XPO4: variants seen among roughly 807,000 people sequenced by gnomAD.
XPO4 encodes the protein exportin 4, also known as exportin-4.
In XPO4, 39 loss-of-function variants were observed where a neutral mutation model predicts 143.0. The observed-to-expected ratio is 0.27, with a 90% CI of 0.21 to 0.36. XPO4 has a LOEUF of 0.36. Ranked by LOEUF, XPO4 falls within the 10% of genes least tolerant of loss-of-function variation. The pLI, the probability that XPO4 is intolerant of heterozygous loss-of-function variation, is 1.00. For synonymous variants in XPO4, 439 were observed against 474.0 expected (o/e 0.93, Z 0.96); for missense variants, 907 against 1,348.0 (o/e 0.67, Z 5.12).
chr13:20,826,672 T>G (rs1393331721), intron 7 of XPO4, among the ~76,000 whole-genome samples: 1 of 152,242 alleles, frequency 6.6e-6, no homozygotes, highest in Non-Finnish European at 1.5e-5. Flanking sequence ...TATAGTTAAT[T>G]AAAATGTTAC....
chr13:20,878,658 G>A (rs562968015), intron 1 of XPO4, among the ~76,000 whole-genome samples: 3 of 152,278 alleles, frequency 2.0e-5, no homozygotes, highest in African/African-American at 4.8e-5. Flanking sequence ...ATAAAAGCAC[G>A]GAAGGAAGGA....
chr13:20,899,665 A>G (rs1176235753), intron 1 of XPO4, among the ~76,000 whole-genome samples: 1 of 152,224 alleles, frequency 6.6e-6, no homozygotes, highest in Non-Finnish European at 1.5e-5. Flanking sequence ...CAAAAGATCT[A>G]AGATTCTTCT....
chr13:20,842,309 C>A (rs1052305073), intron 6 of XPO4, among the ~76,000 whole-genome samples: 4 of 152,190 alleles, frequency 2.6e-5, no homozygotes, highest in African/African-American at 9.6e-5. Context: ...ACAAATTTCT[C>A]TACTTTAAGT....
At chr13:20,830,091 T>C (rs1248290693) in intron 6 of XPO4, among the ~76,000 whole-genome samples, 2 of 152,192 alleles carry the variant, frequency 1.3e-5, no homozygotes, top group African/African-American at 4.8e-5. Flanking sequence ...AAATCTGATT[T>C]TTTAAAATCT....
intron 6 of XPO4, among the ~76,000 whole-genome samples, chr13:20,832,875 C>G (rs982204115): frequency 5.9e-5 from 9 of 152,098 alleles, no homozygotes; most frequent in Middle Eastern, 3.4e-3. Context: ...TATCCCATTA[C>G]TTACTCTATA....
At chr13:20,784,111 C>A (rs1732755745) in intron 22 of XPO4, among the ~76,000 whole-genome samples, 192 bp from the exon 23 acceptor site, 1 of 152,164 alleles carries the variant, frequency 6.6e-6, no homozygotes, top group Non-Finnish European at 1.5e-5. Flanking sequence ...TCATTTACAA[C>A]AATGCTTCGA....
intron 2 of XPO4, chr13:20,866,185 C>G: frequency 1.0e-5 from 10 of 985,280 alleles, no homozygotes; most frequent in Non-Finnish European, 1.2e-5. Context: ...GTGAAGAAGT[C>G]TAAAAGTGCT....
intron 9 of XPO4, among the ~76,000 whole-genome samples, chr13:20,811,292 T>TC (rs1010464387): frequency 4.0e-5 from 6 of 149,570 alleles, no homozygotes; most frequent in African/African-American, 1.2e-4. Context: ...TTTTTTCTTT[T>TC]TTTTTTTTTT....
chr13:20,897,818 A>G (rs1281632468), intron 1 of XPO4, among the ~76,000 whole-genome samples: 1 of 152,146 alleles, frequency 6.6e-6, no homozygotes, highest in Non-Finnish European at 1.5e-5. Flanking sequence ...GCAATGGCAC[A>G]ATCTCTGCAA....
chr13:20,799,729 T>C (rs2059408220), intron 15 of XPO4, among the ~76,000 whole-genome samples: 1 of 152,206 alleles, frequency 6.6e-6, no homozygotes, highest in Non-Finnish European at 1.5e-5. Context: ...GATACTCCTA[T>C]ACAGTAAGAA....
At chr13:20,838,946 G>C (rs1021255010) in intron 6 of XPO4, among the ~76,000 whole-genome samples, 7 of 152,166 alleles carry the variant, frequency 4.6e-5, no homozygotes, top group African/African-American at 1.7e-4. Context: ...CAAAATGGAT[G>C]AATCTTGAAA....
chr13:20,800,194 A>C lies in XPO4; in HGVS notation c.2109T>G (p.Thr703=). The part of the protein sequence containing the change: ...WSSEQDLAND[T]VQLLVTLVER... ...CCACCAAAGTGACAAGGAGCTGCAC[A>C]GTGTCATTTGCAAGGTCCTGCTCAC... The change falls in exon 15 of 23, where the codon ACT becomes ACG. Residue 703 remains threonine (T), a synonymous_variant. Transcript: ENST00000255305. 1 of 1,614,114 alleles carries C rather than the reference A, an allele frequency of 6.2e-7. No homozygotes were observed. The highest frequency in any genetic ancestry group is 8.5e-7 in the Non-Finnish European group (1 of 1,179,994).
intron 18 of XPO4, among the ~76,000 whole-genome samples, chr13:20,792,737 A>G (rs2059303683): frequency 6.6e-6 from 1 of 150,916 alleles, no homozygotes; most frequent in African/African-American, 2.4e-5. Context: ...AAAAAAAAAA[A>G]AAAAAAGTCA....
At chr13:20,816,455 A>C (rs1326427774) in intron 9 of XPO4, among the ~76,000 whole-genome samples, 1 of 152,216 alleles carries the variant, frequency 6.6e-6, no homozygotes, top group Non-Finnish European at 1.5e-5. Flanking sequence ...TTTTCTAGCT[A>C]GTTCTTAAAA....
intron 6 of XPO4, among the ~76,000 whole-genome samples, chr13:20,832,082 C>G (rs2059860216): frequency 6.6e-6 from 1 of 152,132 alleles, no homozygotes; most frequent in South Asian, 2.1e-4. Context: ...TCACCAACTT[C>G]TGTGAAATCA....
At chr13:20,819,621 TC>T (rs1452045039) in intron 9 of XPO4, among the ~76,000 whole-genome samples, 1 of 151,810 alleles carries the variant, frequency 6.6e-6, no homozygotes, top group East Asian at 1.9e-4. Flanking sequence ...GACCGTGCCA[TC>T]GCAGTCCAGC....
chr13:20,820,827 C>T (rs2059710789), intron 9 of XPO4, among the ~76,000 whole-genome samples: 1 of 152,228 alleles, frequency 6.6e-6, no homozygotes, highest in South Asian at 2.1e-4. Flanking sequence ...AACTCACATA[C>T]ACGTTGGCAG....
At chr13:20,785,779 A>G (rs58324244) in intron 22 of XPO4, among the ~76,000 whole-genome samples, 19,821 of 148,686 alleles carry the variant, frequency 0.13, 1,419 homozygotes, top group African/African-American at 0.18. Context: ...GTTAAAAGAG[A>G]GGGAGAGAGA....
At chr13:20,862,941 C>T in intron 2 of XPO4, 83 bp from the exon 3 acceptor site, 1 of 1,576,230 alleles carries the variant, frequency 6.3e-7, no homozygotes, top group Non-Finnish European at 8.6e-7. Context: ...TAAAACAGAA[C>T]TTTTCAGACA....
Sources: gnomAD v4.1 joint callset for allele counts (sites outside exome capture counted in the v4.1 genomes callset) on GRCh38, gnomAD v4.1.1 for gene constraint, MANE v1.5 for transcripts, NCBI Gene and HGNC (gene_info 2026-07-23, HGNC 2026-07-21) for gene names.